ERGIC1: variants seen among roughly 807,000 people sequenced by gnomAD.
The protein encoded by ERGIC1 is endoplasmic reticulum-Golgi intermediate compartment protein 1.
Under a neutral mutation model 38.3 loss-of-function variants are expected in ERGIC1, and 19 were observed. The ratio of observed to expected loss-of-function variants is 0.50; its 90% CI spans 0.35 to 0.73. The LOEUF (loss-of-function observed/expected upper bound fraction) is 0.73, where lower values mean the gene tolerates loss of function less well. Among genes scored for constraint, ERGIC1 ranks in the 30% least tolerant of loss-of-function variants. The probability of loss-of-function intolerance (pLI) is 0.01; values close to 1 mark genes in which losing one functional copy is unlikely to be tolerated. For missense variants in ERGIC1, 294 were observed against 389.2 expected (o/e 0.76, Z 2.06); for synonymous variants, 124 against 157.6 (o/e 0.79, Z 1.60).
At chr5:172,835,951 G>A (rs1761024392) in intron 1 of ERGIC1, among the ~76,000 whole-genome samples, 2 of 152,194 alleles carry the variant, frequency 1.3e-5, no homozygotes, top group Non-Finnish European at 2.9e-5. Context: ...TCAATTTCTG[G>A]TTCCACAAAG....
intron 1 of ERGIC1, among the ~76,000 whole-genome samples, chr5:172,875,519 T>C (rs1762122330): frequency 1.3e-5 from 2 of 151,702 alleles, no homozygotes; most frequent in African/African-American, 4.8e-5. Context: ...GGCCACCCCA[T>C]GCCACAAAGG....
intron 1 of ERGIC1, among the ~76,000 whole-genome samples, chr5:172,857,168 G>A (rs899355): frequency 0.97 from 147,571 of 152,296 alleles, 71,662 homozygotes; most frequent in East Asian, 1. Context: ...AGGAATAAGG[G>A]GAACTTCTTG....
intron 1 of ERGIC1, among the ~76,000 whole-genome samples, chr5:172,876,112 T>TCAGATGGATCACTGCGTTCAGGCAGG (rs1349842981): frequency 1.3e-5 from 2 of 152,122 alleles, no homozygotes; most frequent in Non-Finnish European, 2.9e-5. Context: ...TTTGAGATGC[T>TCAGATGGATCACTGCGTTCAGGCAGG]CAGATGGATC....
chr5:172,904,518 T>C (rs1762969658), intron 3 of ERGIC1, among the ~76,000 whole-genome samples: 1 of 152,212 alleles, frequency 6.6e-6, no homozygotes, highest in South Asian at 2.1e-4. Flanking sequence ...ACTGCCCCCA[T>C]AGGCCTTCCC....
chr5:172,865,928 A>G (rs1761850186), intron 1 of ERGIC1, among the ~76,000 whole-genome samples: 1 of 152,150 alleles, frequency 6.6e-6, no homozygotes, highest in African/African-American at 2.4e-5. Flanking sequence ...TTAAGCCCCT[A>G]TATTCCTCTT....
At chr5:172,853,071 G>A (rs1293622695) in intron 1 of ERGIC1, among the ~76,000 whole-genome samples, 1 of 151,592 alleles carries the variant, frequency 6.6e-6, no homozygotes, top group South Asian at 2.1e-4. Context: ...CTGTGTGTAT[G>A]TGTAGATATG....
intron 3 of ERGIC1, among the ~76,000 whole-genome samples, chr5:172,901,935 C>A (rs1484701420): frequency 6.6e-6 from 1 of 152,178 alleles, no homozygotes. Context: ...CATTGGTCAT[C>A]GCAGAACCCC....
At chr5:172,893,901 A>ATGTGTGTGTGTG (rs1334354595) in intron 2 of ERGIC1, among the ~76,000 whole-genome samples, 1 of 13,574 alleles carries the variant, frequency 7.4e-5, no homozygotes, top group Middle Eastern at 0.036. Context: ...ATATATATAT[A>ATGTGTGTGTGTG]TATATGTGTG....
intron 5 of ERGIC1, among the ~76,000 whole-genome samples, chr5:172,923,411 G>A (rs1353265523): frequency 1.3e-5 from 2 of 152,098 alleles, no homozygotes; most frequent in East Asian, 3.9e-4. Context: ...GAAACAAGGA[G>A]AAGCTGCAGT....
At chr5:172,843,175 A>T (rs1761199904) in intron 1 of ERGIC1, among the ~76,000 whole-genome samples, 1 of 152,158 alleles carries the variant, frequency 6.6e-6, no homozygotes, top group Admixed American at 6.5e-5. Flanking sequence ...ATAGAAGTTT[A>T]TTTTTGCCAC....
intron 4 of ERGIC1, among the ~76,000 whole-genome samples, chr5:172,910,063 G>C (rs141560441): frequency 6.6e-6 from 1 of 152,288 alleles, no homozygotes; most frequent in East Asian, 1.9e-4. Context: ...CAAGTGACTT[G>C]TTGAGGGGAG....
chr5:172,839,261 GTATA>G, intron 1 of ERGIC1, among the ~76,000 whole-genome samples: 1 of 137,584 alleles, frequency 7.3e-6, no homozygotes, highest in East Asian at 2.1e-4. Flanking sequence ...AAAAAAAAAA[GTATA>G]TATATATGGG....
At chr5:172,936,521 G>A (rs1447603113) in intron 9 of ERGIC1, 2 of 152,226 alleles carry the variant, frequency 1.3e-5, no homozygotes, top group Admixed American at 6.6e-5. Flanking sequence ...CAAGAGAAAA[G>A]GCAGGGGCCA....
chr5:172,843,502 C>T (rs777325665), intron 1 of ERGIC1, among the ~76,000 whole-genome samples: 16 of 152,224 alleles, frequency 1.1e-4, no homozygotes, highest in Non-Finnish European at 2.2e-4. Flanking sequence ...TATAGAATTA[C>T]CTAAAGTATC....
intron 4 of ERGIC1, among the ~76,000 whole-genome samples, chr5:172,914,062 C>T (rs982297457): frequency 7.2e-5 from 11 of 151,802 alleles, no homozygotes; most frequent in Non-Finnish European, 1.6e-4. Flanking sequence ...TGGTGAAACC[C>T]CGTCTCTACT....
intron 5 of ERGIC1, chr5:172,917,970 C>A (rs964879281): frequency 6.6e-6 from 1 of 152,196 alleles, no homozygotes; most frequent in Non-Finnish European, 1.5e-5. Flanking sequence ...TCAAGACCAG[C>A]CTGGTCAACA....
chr5:172,929,913 C>T (rs1461370868), intron 7 of ERGIC1, among the ~76,000 whole-genome samples: 4 of 152,108 alleles, frequency 2.6e-5, no homozygotes, highest in African/African-American at 9.7e-5. Context: ...GATGGCTGGG[C>T]GCGGTGGCTA....
intron 1 of ERGIC1, among the ~76,000 whole-genome samples, chr5:172,851,654 C>T (rs940613647): frequency 2.6e-5 from 4 of 152,120 alleles, no homozygotes; most frequent in Admixed American, 2.6e-4. Context: ...CAGGCCTAGA[C>T]AGGGAGGTGG....
intron 9 of ERGIC1, among the ~76,000 whole-genome samples, chr5:172,938,852 G>A (rs554210): frequency 0.031 from 4,686 of 151,530 alleles, 91 homozygotes; most frequent in African/African-American, 0.057. Flanking sequence ...TCACCAGGTC[G>A]GGAGTTTGAG....
Sources: gnomAD v4.1 joint callset for allele counts (sites outside exome capture counted in the v4.1 genomes callset) on GRCh38, gnomAD v4.1.1 for gene constraint, MANE v1.5 for transcripts, NCBI Gene and HGNC (gene_info 2026-07-23, HGNC 2026-07-21) for gene names.